CDH8: variants seen among roughly 807,000 people sequenced by gnomAD.
The protein encoded by CDH8 is cadherin-8.
In CDH8, 17 loss-of-function variants were observed where a neutral mutation model predicts 68.1. The observed-to-expected ratio is 0.25, with a 90% CI of 0.17 to 0.37. CDH8 has a LOEUF of 0.37. Among genes scored for constraint, CDH8 ranks in the 10% least tolerant of loss-of-function variants. CDH8 has a pLI of 1.00. For synonymous variants in CDH8, 372 were observed against 365.1 expected, an observed-to-expected ratio of 1.02 and a Z score of -0.21; for missense variants, 763 against 999.3, an observed-to-expected ratio of 0.76 and a Z score of 3.19.
chr16:61,890,003 G>A (rs1444278272), intron 3 of CDH8, among the ~76,000 whole-genome samples: 1 of 152,122 alleles, frequency 6.6e-6, no homozygotes, highest in Non-Finnish European at 1.5e-5. Context: ...TCAAGTACCA[G>A]AACATTACTT....
chr16:61,879,547 C>T (rs1195762553), intron 3 of CDH8, among the ~76,000 whole-genome samples: 1 of 152,188 alleles, frequency 6.6e-6, no homozygotes, highest in African/African-American at 2.4e-5. Flanking sequence ...CTATGATTTG[C>T]ACCTGTTCCC....
At chr16:61,842,898 A>G (rs1962718833) in intron 4 of CDH8, among the ~76,000 whole-genome samples, 3 of 152,312 alleles carry the variant, frequency 2.0e-5, no homozygotes, top group African/African-American at 7.2e-5. Context: ...AAATGGTTGC[A>G]TGGAAAAATG....
At chr16:61,875,239 T>C (rs960518221) in intron 3 of CDH8, among the ~76,000 whole-genome samples, 3 of 152,128 alleles carry the variant, frequency 2.0e-5, no homozygotes, top group African/African-American at 7.2e-5. Context: ...CCTCAGAAGG[T>C]TGTATCATGG....
intron 8 of CDH8, among the ~76,000 whole-genome samples, chr16:61,778,531 AAAT>A (rs1779625557): frequency 6.6e-6 from 1 of 152,166 alleles, no homozygotes; most frequent in South Asian, 2.1e-4. Context: ...AAAATTAAAT[AAAT>A]AATTTTAAAT....
chr16:61,946,551 C>A (rs1964803683), intron 2 of CDH8, among the ~76,000 whole-genome samples: 1 of 152,184 alleles, frequency 6.6e-6, no homozygotes, highest in African/African-American at 2.4e-5. Flanking sequence ...TTGATGCTTG[C>A]TCAAGCTTTT....
chr16:62,017,381 C>CT (rs146078291), intron 2 of CDH8, among the ~76,000 whole-genome samples: 17 of 152,236 alleles, frequency 1.1e-4, no homozygotes, highest in African/African-American at 3.9e-4. Context: ...GAAAAACTCT[C>CT]TAAGAATATG....
chr16:61,961,188 A>G (rs989563473), intron 2 of CDH8, among the ~76,000 whole-genome samples: 6 of 151,996 alleles, frequency 3.9e-5, no homozygotes, highest in African/African-American at 1.4e-4. Flanking sequence ...GGAGGCACGC[A>G]CATGTAGTCC....
intron 8 of CDH8, among the ~76,000 whole-genome samples, chr16:61,789,022 T>C (rs943091237): frequency 6.6e-6 from 1 of 151,522 alleles, no homozygotes; most frequent in Admixed American, 6.6e-5. Flanking sequence ...ATTTAAATTA[T>C]AGTGTACAGT....
At chr16:61,806,679 C>T (rs1301195322) in intron 7 of CDH8, among the ~76,000 whole-genome samples, 13 of 72,516 alleles carry the variant, frequency 1.8e-4, no homozygotes, top group African/African-American at 6.2e-4. Context: ...ACAGACACTT[C>T]TCAAAAGAAG....
At chr16:61,984,353 A>T (rs766517096) in intron 2 of CDH8, among the ~76,000 whole-genome samples, 6 of 152,156 alleles carry the variant, frequency 3.9e-5, no homozygotes, top group Non-Finnish European at 8.8e-5. Flanking sequence ...GGGAACACAG[A>T]CATTTAATCC....
At chr16:61,997,715 G>A (rs996273139) in intron 2 of CDH8, among the ~76,000 whole-genome samples, 2 of 152,082 alleles carry the variant, frequency 1.3e-5, no homozygotes, top group Admixed American at 6.6e-5. Flanking sequence ...CCAACCTCAC[G>A]TAACTTGTGA....
intron 2 of CDH8, among the ~76,000 whole-genome samples, chr16:61,935,003 C>G (rs990874232): frequency 6.6e-6 from 1 of 152,158 alleles, no homozygotes; most frequent in African/African-American, 2.4e-5. Flanking sequence ...AATTTTAACA[C>G]TAATATTAAC....
At position 61,653,769 on chromosome 16, in the gene CDH8, A is replaced by G; in HGVS notation, c.2239T>C (p.Tyr747His). 1 of 1,614,220 alleles carries G rather than the reference A, an allele frequency of 6.2e-7. No individual in the cohort carries two copies. The highest frequency in any genetic ancestry group is 1.1e-5 in the South Asian group (1 of 91,090). Residue 747 changes from tyrosine to histidine, a missense_variant, in exon 12 of 12, where the codon TAT (tyrosine) becomes CAT (histidine). Coordinates refer to ENST00000577390, the MANE Select transcript of CDH8 (RefSeq NM_001796.5). ...TAPPYDSIQI[Y>H]GYEGRGSVAG... is the part of the protein sequence containing the mutation. ...ACTGACCCTCGGCCTTCATAGCCAT[A>G]TATCTGAATGGAGTCATATGGCGGG...
At chr16:61,677,599 C>A (rs907219678) in intron 10 of CDH8, among the ~76,000 whole-genome samples, 2 of 151,952 alleles carry the variant, frequency 1.3e-5, no homozygotes, top group African/African-American at 4.8e-5. Flanking sequence ...AAACCAAAAA[C>A]GTGATTTGCT....
At chr16:62,018,918 T>C (rs1403985497) in intron 2 of CDH8, among the ~76,000 whole-genome samples, 1 of 152,196 alleles carries the variant, frequency 6.6e-6, no homozygotes, top group Non-Finnish European at 1.5e-5. Context: ...TATTACTTCA[T>C]GTAAGGAATG....
intron 10 of CDH8, among the ~76,000 whole-genome samples, chr16:61,699,156 G>A (rs555414726): frequency 6.6e-6 from 1 of 152,010 alleles, no homozygotes; most frequent in South Asian, 2.1e-4. Flanking sequence ...CTTTCCTCCT[G>A]TTCTGTACCA....
chr16:61,841,204 C>CT (rs554455235), intron 4 of CDH8, among the ~76,000 whole-genome samples: 630 of 152,152 alleles, frequency 4.1e-3, no homozygotes, highest in Middle Eastern at 6.8e-3. Context: ...TTCTTATTTC[C>CT]TTTTTTTGGG....
chr16:61,810,406 TTATTTATTATTCC>T lies in CDH8; in HGVS notation c.1277+7060_1277+7072del, dbSNP rs1181681303. On this transcript the variant is annotated intron_variant, in intron 7 of 11. Transcript: ENST00000577390. ...AATTCTAAGGTCCCTGCATCACATA[TTATTTATTATTCC>T]TCTAAGGAAAAGAAGGAGCCTTTTT... Among the ~76,000 whole-genome samples, 21 of 152,270 alleles carry T rather than the reference TTATTTATTATTCC, an allele frequency of 1.4e-4. 1 individual carries two copies. Among genetic ancestry groups the T allele is most frequent in the African/African-American group, 5.1e-4 (21 of 41,554 alleles).
chr16:62,020,243 C>T (rs1902038766), intron 2 of CDH8, among the ~76,000 whole-genome samples: 3 of 152,114 alleles, frequency 2.0e-5, no homozygotes, highest in South Asian at 4.1e-4. Flanking sequence ...ATAACATTGG[C>T]CTGATTCACT....
Sources: allele counts gnomAD v4.1 joint callset (sites outside exome capture counted in the v4.1 genomes callset), GRCh38; gene constraint gnomAD v4.1.1; transcripts MANE v1.5; gene names NCBI Gene and HGNC (gene_info 2026-07-23, HGNC 2026-07-21).